The following CDC42BPA variants were observed in gnomAD, a reference collection of about 807,000 sequenced individuals.
CDC42BPA encodes CDC42 binding protein kinase alpha, also known as serine/threonine-protein kinase MRCK alpha.
In CDC42BPA, 80 loss-of-function variants were observed where a neutral mutation model predicts 223.5. That is an observed-to-expected ratio of 0.36 (90% confidence interval 0.30 to 0.43). The LOEUF (loss-of-function observed/expected upper bound fraction) is 0.43, where lower values mean the gene tolerates loss of function less well. Among genes scored for constraint, CDC42BPA ranks in the 20% least tolerant of loss-of-function variants. The pLI is 1.00. For missense variants in CDC42BPA, 1,743 were observed against 2,099.9 expected (o/e 0.83, Z 3.32); for synonymous variants, 694 against 718.6 (o/e 0.97, Z 0.55).
At chr1:227,037,132 TC>T (rs1670433811) in intron 24 of CDC42BPA, among the ~76,000 whole-genome samples, 1 of 152,208 alleles carries the variant, frequency 6.6e-6, no homozygotes. Flanking sequence ...CAGGATTCTT[TC>T]TGATAAACAA....
intron 2 of CDC42BPA, among the ~76,000 whole-genome samples, chr1:227,242,710 A>G (rs1238547895): frequency 1.3e-5 from 2 of 152,192 alleles, no homozygotes; most frequent in African/African-American, 4.8e-5. Flanking sequence ...AGATAAAAAA[A>G]AGAAATCAGA....
intron 3 of CDC42BPA, among the ~76,000 whole-genome samples, chr1:227,208,100 G>A (rs10753431): frequency 0.8 from 74,399 of 93,486 alleles, 30,212 homozygotes; most frequent in Middle Eastern, 0.92. Flanking sequence ...TTTGATTTGC[G>A]TTTCTCTGAT....
chr1:227,057,054 A>T (rs1326598768), intron 21 of CDC42BPA, among the ~76,000 whole-genome samples: 1 of 152,170 alleles, frequency 6.6e-6, no homozygotes, highest in East Asian at 1.9e-4. Context: ...ATTTACACAT[A>T]TTCTAAGAAA....
intron 2 of CDC42BPA, among the ~76,000 whole-genome samples, chr1:227,228,550 G>A (rs1360101344): frequency 6.6e-6 from 1 of 152,154 alleles, no homozygotes; most frequent in African/African-American, 2.4e-5. Flanking sequence ...ACACATGTCG[G>A]AGTAGAATTG....
chr1:227,073,968 T>C lies in CDC42BPA; in HGVS notation c.2631A>G (p.Ser877=), dbSNP rs1307884963. Residue 877 remains serine, a synonymous_variant, in exon 19 of 37, where the codon TCA becomes TCG. Coordinates refer to ENST00000366766, the MANE Select transcript of CDC42BPA (RefSeq NM_001394014.1). ...KMRRFAKLDM[S]ARLELQSALD... Reference sequence around the variant, plus strand: ...GAGCCGACTGCAACTCCAGTCTAGCTGACATATCCAGTTTCGCAAAACGAC... The same window carrying C: ...GAGCCGACTGCAACTCCAGTCTAGCCGACATATCCAGTTTCGCAAAACGAC... The C allele has an allele frequency of 1.2e-6, 2 of 1,612,722 alleles. No individual in the cohort carries two copies. Among genetic ancestry groups the C allele is most frequent in the Middle Eastern group, 1.7e-4 (1 of 6,060 alleles).
At chr1:227,103,750 C>A (rs1443411459) in intron 14 of CDC42BPA, among the ~76,000 whole-genome samples, 1 of 152,012 alleles carries the variant, frequency 6.6e-6, no homozygotes, top group Non-Finnish European at 1.5e-5. Context: ...TTGGAATCAC[C>A]AGCTAGCAAT....
chr1:227,023,489 A>G (rs1396857016), intron 31 of CDC42BPA, 142 bp from the exon 32 acceptor site: 2 of 499,826 alleles, frequency 4.0e-6, no homozygotes, highest in African/African-American at 2.0e-5. Flanking sequence ...AAAATCAACA[A>G]TAATTCTGAC....
chr1:227,276,559 G>A (rs1302286678), intron 1 of CDC42BPA, among the ~76,000 whole-genome samples: 1 of 151,546 alleles, frequency 6.6e-6, no homozygotes, highest in Non-Finnish European at 1.5e-5. Context: ...CCCAGCCGCC[G>A]CCCCGTCTGG....
rs1284523082 is a variant in CDC42BPA at position 227,282,711 on chromosome 1, T to A, written c.179-28556A>T. On this transcript the variant is annotated intron_variant, in intron 1 of 36. Transcript: ENST00000366766. ...CTAGTGGTTCTTACATTTATTCAAG[T>A]GCAGAACCAGTGAAATAAGCTAGTC... Among the ~76,000 whole-genome samples the A allele has an allele frequency of 3.3e-5, 5 of 152,356 alleles. No homozygotes were observed. In the East Asian group the frequency reaches 9.6e-4, roughly 29 times the overall value.
chr1:227,235,214 C>G (rs1558832622), intron 2 of CDC42BPA: 1 of 152,164 alleles, frequency 6.6e-6, no homozygotes, highest in Non-Finnish European at 1.5e-5. Flanking sequence ...GACTGCCACC[C>G]CCTACTGGCT....
In CDC42BPA at chr1:227,101,189, T is replaced by C. The variant is rs1011648716; in HGVS notation, c.2052A>G (p.Gln684=). Residue 684 remains glutamine (Q), a synonymous_variant, in exon 15 of 37, where the codon CAA becomes CAG. Coordinates refer to ENST00000366766, the MANE Select transcript of CDC42BPA (RefSeq NM_001394014.1). The stretch of plus-strand genomic sequence containing the variant: ...AATCAGTCTTTAGTTTGGTTATCTC[T>C]TGCTGATGTTCTATGCTGCATACTC... ...SPGVCSIEHQ[Q]EITKLKTDLE... is the part of the protein sequence containing the mutation. The C allele has an allele frequency of 5.0e-6, 8 of 1,602,964 alleles. No individual in the cohort carries two copies. The highest frequency in any genetic ancestry group is 6.8e-6 in the Non-Finnish European group (8 of 1,171,008).
chr1:227,265,295 G>C, intron 1 of CDC42BPA: 1 of 477,314 alleles, frequency 2.1e-6, no homozygotes. Context: ...AGACACAAAA[G>C]GCTTCGTTTC....
chr1:227,042,174 T>C (rs73089746), intron 23 of CDC42BPA, among the ~76,000 whole-genome samples: 1 of 152,068 alleles, frequency 6.6e-6, no homozygotes, highest in Non-Finnish European at 1.5e-5. Flanking sequence ...AGTAGGTTCA[T>C]GTTTTTCTTC....
At chr1:227,196,941 T>C (rs1316377254) in intron 4 of CDC42BPA, among the ~76,000 whole-genome samples, 1 of 152,190 alleles carries the variant, frequency 6.6e-6, no homozygotes, top group Non-Finnish European at 1.5e-5. Flanking sequence ...TTGATATAAC[T>C]AAGCAGCTTT....
intron 2 of CDC42BPA, among the ~76,000 whole-genome samples, chr1:227,245,474 A>G (rs921923408): frequency 7.2e-5 from 11 of 151,964 alleles, no homozygotes; most frequent in Non-Finnish European, 1.0e-4. Context: ...TATTTGTAGT[A>G]GAGACAGGGT....
intron 2 of CDC42BPA, among the ~76,000 whole-genome samples, chr1:227,252,867 A>G (rs932031486): frequency 6.6e-6 from 1 of 152,230 alleles, no homozygotes; most frequent in Admixed American, 6.5e-5. Flanking sequence ...ACAAGGTATA[A>G]GATCAATAAA....
intron 9 of CDC42BPA, among the ~76,000 whole-genome samples, chr1:227,139,943 A>T (rs1659385132): frequency 6.6e-6 from 1 of 152,206 alleles, no homozygotes; most frequent in African/African-American, 2.4e-5. Context: ...CAAAATCACC[A>T]TAAACTGTTT....
intron 2 of CDC42BPA, among the ~76,000 whole-genome samples, chr1:227,218,136 T>C (rs2150411238): frequency 6.6e-6 from 1 of 152,300 alleles, no homozygotes; most frequent in Non-Finnish European, 1.5e-5. Context: ...GTTTACAGCA[T>C]CAATATTCTC....
chr1:227,055,503 T>A (rs1238025480), intron 21 of CDC42BPA, among the ~76,000 whole-genome samples: 1 of 152,172 alleles, frequency 6.6e-6, no homozygotes. Flanking sequence ...TGATTCAGTT[T>A]AATTATGAAT....
Sources: allele counts gnomAD v4.1 joint callset (sites outside exome capture counted in the v4.1 genomes callset), GRCh38; gene constraint gnomAD v4.1.1; transcripts MANE v1.5; gene names NCBI Gene and HGNC (gene_info 2026-07-23, HGNC 2026-07-21).